Variants in OXR1 observed in about 807,000 individuals in gnomAD.
The protein encoded by OXR1 is oxidation resistance 1, also known as oxidation resistance protein 1.
Under a neutral mutation model 104.6 loss-of-function variants are expected in OXR1, and 41 were observed. That is an observed-to-expected ratio of 0.39 (90% confidence interval 0.31 to 0.51). OXR1 has a LOEUF of 0.51. Among genes scored for constraint, OXR1 ranks in the 20% least tolerant of loss-of-function variants. The pLI is 0.77. For missense variants in OXR1, 955 were observed against 1,031.9 expected (o/e 0.93, Z 1.02); for synonymous variants, 348 against 348.4 (o/e 1.00, Z 0.01).
At chr8:106,707,270 G>T in intron 9 of OXR1, 125 bp downstream of exon 9, 1 of 790,216 alleles carries the variant, frequency 1.3e-6, no homozygotes, top group Non-Finnish European at 2.2e-6. Flanking sequence ...CCCTTGACCG[G>T]TGATTCTCTG....
At chr8:106,589,828 G>T (rs915626898) in intron 3 of OXR1, among the ~76,000 whole-genome samples, 2 of 152,008 alleles carry the variant, frequency 1.3e-5, no homozygotes, top group African/African-American at 4.8e-5. Flanking sequence ...CACCATGCCC[G>T]ACTAATTTTT....
chr8:106,591,403 C>T (rs989656777), intron 3 of OXR1, among the ~76,000 whole-genome samples: 7 of 145,700 alleles, frequency 4.8e-5, no homozygotes, highest in Admixed American at 1.4e-4. Flanking sequence ...ATGTAACAAA[C>T]GTGCACGTTG....
chr8:106,741,203 A>G (rs1834890246), intron 14 of OXR1, among the ~76,000 whole-genome samples: 1 of 152,194 alleles, frequency 6.6e-6, no homozygotes, highest in African/African-American at 2.4e-5. Context: ...AAAATGAATG[A>G]ACTGCTGCTA....
At chr8:106,338,982 T>A (rs1018575345) in intron 1 of OXR1, among the ~76,000 whole-genome samples, 1 of 152,066 alleles carries the variant, frequency 6.6e-6, no homozygotes, top group African/African-American at 2.4e-5. Flanking sequence ...AAAGAAGGAA[T>A]TTACACATAT....
At chr8:106,532,992 C>T (rs1453228) in intron 3 of OXR1, among the ~76,000 whole-genome samples, 11,687 of 152,280 alleles carry the variant, frequency 0.077, 498 homozygotes, top group African/African-American at 0.095. Context: ...ATTCTTCATT[C>T]ATATTTCCTT....
At chr8:106,555,947 T>TATAC (rs1467087631) in intron 3 of OXR1, among the ~76,000 whole-genome samples, 782 of 41,060 alleles carry the variant, frequency 0.019, 5 homozygotes, top group African/African-American at 0.06. Flanking sequence ...TATATATATA[T>TATAC]ACACAATGGA....
intron 2 of OXR1, among the ~76,000 whole-genome samples, chr8:106,490,727 G>C (rs2510829): frequency 0.11 from 16,219 of 152,100 alleles, 946 homozygotes; most frequent in African/African-American, 0.14. Context: ...GAGAAGGACT[G>C]AAGATGGAAA....
intron 7 of OXR1, among the ~76,000 whole-genome samples, chr8:106,702,126 G>A (rs2131352187): frequency 6.6e-6 from 1 of 152,136 alleles, no homozygotes; most frequent in Admixed American, 6.5e-5. Flanking sequence ...CATGCCACCA[G>A]GCCCAGCTAG....
At chr8:106,563,334 G>T (rs557060710) in intron 3 of OXR1, among the ~76,000 whole-genome samples, 1 of 151,266 alleles carries the variant, frequency 6.6e-6, no homozygotes, top group East Asian at 1.9e-4. Flanking sequence ...AGCAGGGGTT[G>T]CTATCCTAGT....
chr8:106,422,855 C>T (rs944826571), intron 2 of OXR1, among the ~76,000 whole-genome samples: 1 of 152,162 alleles, frequency 6.6e-6, no homozygotes, highest in African/African-American at 2.4e-5. Flanking sequence ...TTACATTTCA[C>T]TGCACTTAAT....
At chr8:106,321,454 G>T (rs544219505) in intron 1 of OXR1, among the ~76,000 whole-genome samples, 4 of 152,300 alleles carry the variant, frequency 2.6e-5, no homozygotes, top group African/African-American at 9.6e-5. Flanking sequence ...GAAGTCAGAG[G>T]TTGATGTTGA....
At chr8:106,335,025 G>GACAC (rs10650045) in intron 1 of OXR1, among the ~76,000 whole-genome samples, 46,834 of 150,770 alleles carry the variant, frequency 0.31, 9,516 homozygotes, top group African/African-American at 0.59. Flanking sequence ...CACATACATT[G>GACAC]ACACACACAC....
intron 4 of OXR1, among the ~76,000 whole-genome samples, chr8:106,681,358 T>G (rs1828131383): frequency 6.6e-6 from 1 of 152,154 alleles, no homozygotes; most frequent in Admixed American, 6.6e-5. Flanking sequence ...AGAACTAGAT[T>G]ATTATTGTAT....
chr8:106,416,727 G>T (rs574365134), intron 2 of OXR1, among the ~76,000 whole-genome samples: 1 of 151,970 alleles, frequency 6.6e-6, no homozygotes, highest in African/African-American at 2.4e-5. Flanking sequence ...TATTTGGCCT[G>T]GTGAGAATGC....
intron 3 of OXR1, among the ~76,000 whole-genome samples, chr8:106,667,191 A>G (rs1220943091): frequency 6.6e-6 from 1 of 152,164 alleles, no homozygotes; most frequent in Non-Finnish European, 1.5e-5. Flanking sequence ...TCTGATTATA[A>G]TCAAAGATTT....
chr8:106,537,549 G>A (rs1586777050), intron 3 of OXR1, among the ~76,000 whole-genome samples: 1 of 152,162 alleles, frequency 6.6e-6, no homozygotes, highest in East Asian at 1.9e-4. Context: ...GGGGGCTGGG[G>A]GAGGGATAGC....
chr8:106,471,183 A>T (rs1821472903), intron 2 of OXR1, among the ~76,000 whole-genome samples: 1 of 151,712 alleles, frequency 6.6e-6, no homozygotes. Flanking sequence ...TAGAAAGGGA[A>T]GGGTGGATTA....
At chr8:106,387,062 A>T (rs1817402907) in intron 2 of OXR1, among the ~76,000 whole-genome samples, 1 of 152,194 alleles carries the variant, frequency 6.6e-6, no homozygotes, top group Non-Finnish European at 1.5e-5. Context: ...GTTAGCAAAG[A>T]TGCACTGGCC....
At chr8:106,406,633 CT>C in intron 2 of OXR1, among the ~76,000 whole-genome samples, 1 of 152,242 alleles carries the variant, frequency 6.6e-6, no homozygotes, top group African/African-American at 2.4e-5. Flanking sequence ...CTACATGACA[CT>C]CTGGAGAAGG....
Sources: gnomAD v4.1 joint callset for allele counts (sites outside exome capture counted in the v4.1 genomes callset) on GRCh38, gnomAD v4.1.1 for gene constraint, MANE v1.5 for transcripts, NCBI Gene and HGNC (gene_info 2026-07-23, HGNC 2026-07-21) for gene names.